The following DSC2 variants were observed in gnomAD, a reference collection of about 807,000 sequenced individuals.
DSC2 encodes desmocollin 2.
A neutral mutation model predicts 87.6 loss-of-function variants in DSC2; 51 were observed. The observed-to-expected ratio is 0.58, with a 90% CI of 0.46 to 0.74. DSC2 has a LOEUF of 0.74. Among genes scored for constraint, DSC2 ranks in the 30% least tolerant of loss-of-function variants. DSC2 has a pLI of 0.00. For missense variants in DSC2, 1,066 were observed against 1,089.5 expected, an observed-to-expected ratio of 0.98 and a Z score of 0.30; for synonymous variants, 383 against 393.2, an observed-to-expected ratio of 0.97 and a Z score of 0.31.
chr18:31,087,647 T>C (rs1987444796), intron 6 of DSC2, 22 bp downstream of exon 6: 1 of 1,607,060 alleles, frequency 6.2e-7, no homozygotes, highest in Non-Finnish European at 8.5e-7. Context: ...ATTTGCCATA[T>C]ATTGTTTAAG....
intron 2 of DSC2, among the ~76,000 whole-genome samples, chr18:31,092,506 TAAAGA>T (rs969038922): frequency 1.3e-5 from 2 of 152,218 alleles, no homozygotes; most frequent in Non-Finnish European, 2.9e-5. Flanking sequence ...AACATTCTCT[TAAAGA>T]AGAGACATTT....
intron 9 of DSC2, 91 bp from the exon 10 acceptor site, chr18:31,080,443 G>A (rs1323097390): frequency 6.8e-7 from 1 of 1,461,314 alleles, no homozygotes; most frequent in Non-Finnish European, 9.3e-7. Context: ...TTGGAAATAT[G>A]TTAAGTGTCA....
chr18:31,071,603 AC>A lies in DSC2; in HGVS notation c.2125+1del, dbSNP rs794728072. ...GAATTCAAGAAAGGACTTAAGACTT[AC>A]AAAAGAGCAATGCTATGCCCAACAA... On this transcript the variant is annotated splice_donor_variant, in intron 13 of 15. Coordinates refer to ENST00000280904, the MANE Select transcript of DSC2 (RefSeq NM_024422.6). LOFTEE classifies it high-confidence loss of function. The A allele has an allele frequency of 1.9e-6, 3 of 1,612,988 alleles. No individual in the cohort carries two copies. The highest frequency in any genetic ancestry group is 2.5e-6 in the Non-Finnish European group (3 of 1,178,922).
At chr18:31,090,912 A>G (rs1344844813) in intron 4 of DSC2, 116 bp downstream of exon 4, 7 of 1,398,330 alleles carry the variant, frequency 5.0e-6, no homozygotes, top group African/African-American at 1.4e-5. Context: ...TATTATACAC[A>G]TACTCATTCA....
intron 2 of DSC2, 45 bp from the exon 3 acceptor site, chr18:31,092,345 G>A (rs1473732417): frequency 1.9e-6 from 3 of 1,544,502 alleles, no homozygotes; most frequent in South Asian, 1.1e-5. Context: ...TAAAACATAG[G>A]ATATAGTTTT....
In DSC2 at chr18:31,064,924, A is replaced by G. The variant is rs1410097237; in HGVS notation, c.*3091T>C. The G allele has an allele frequency of 6.6e-6, 1 of 152,204 alleles. No homozygotes were observed. The highest frequency in any genetic ancestry group is 1.5e-5 in the Non-Finnish European group (1 of 68,054). 9.4% of individuals were successfully genotyped at this position (152,204 alleles called of 1,614,324 possible). On this transcript the variant is annotated 3_prime_UTR_variant, in exon 16 of 16. Transcript: ENST00000280904. Reference sequence around the variant, plus strand: ...AACAGAATTGGGATCCAAGATAAAAACAGTCTTAAGATGGGAATAAAGAAA... The same window carrying G: ...AACAGAATTGGGATCCAAGATAAAAGCAGTCTTAAGATGGGAATAAAGAAA...
At chr18:31,071,493 C>G in intron 13 of DSC2, 112 bp downstream of exon 13, 1 of 910,544 alleles carries the variant, frequency 1.1e-6, no homozygotes, top group Non-Finnish European at 1.8e-6. Context: ...CTGCAGTGAG[C>G]GGAGATCACA....
chr18:31,086,872 T>C, intron 6 of DSC2, 130 bp from the exon 7 acceptor site: 1 of 1,004,656 alleles, frequency 1.0e-6, no homozygotes, highest in Non-Finnish European at 1.5e-6. Flanking sequence ...ATGGCTTTTA[T>C]AAATTTGCAG....
In DSC2 at chr18:31,102,247, C is replaced by T. The variant is rs1037640799; in HGVS notation, c.-276G>A. ...GTTGTCTATTTAAGACTTAAGACTT[C>T]ATTTCTCTAAGAAAGCCACGGGTGG... On this transcript the variant is annotated 5_prime_UTR_variant, in exon 1 of 16. The change abolishes an upstream ATG in the 5' untranslated region. Transcript: ENST00000280904. 1 of 371,374 alleles carries T rather than the reference C, an allele frequency of 2.7e-6. No homozygotes were observed. The highest frequency in any genetic ancestry group is 4.8e-6 in the Non-Finnish European group (1 of 209,970). The allele number at this position is 371,374 out of a possible 1,614,324, so 23.0% of individuals were successfully genotyped here. A position where few individuals can be genotyped will look rare whatever the true frequency, so the allele number is the denominator to read the frequency against.
Position 31,087,636 on chromosome 18 carries a change from A to C in DSC2, c.775+33T>G, listed in dbSNP as rs369315925. On this transcript the variant is annotated intron_variant, in intron 6 of 15. Transcript: ENST00000280904. ...TAAATGTATGAATTGAAACACAGTT[A>C]ATTTGCCATATATTGTTTAAGGAGG... The C allele has an allele frequency of 1.2e-5, 19 of 1,602,532 alleles. 1 individual carries two copies. The highest frequency in any genetic ancestry group is 2.2e-4 in the Middle Eastern group (1 of 4,532).
At chr18:31,086,045 G>A (rs1987384158) in intron 7 of DSC2, among the ~76,000 whole-genome samples, 1 of 152,002 alleles carries the variant, frequency 6.6e-6, no homozygotes, top group African/African-American at 2.4e-5. Flanking sequence ...GATTAATAGA[G>A]AAAGAATATA....
Position 31,102,005 on chromosome 18 carries a change from T to A in DSC2, c.-34A>T. On this transcript the variant is annotated 5_prime_UTR_variant, in exon 1 of 16. Coordinates refer to ENST00000280904, the MANE Select transcript of DSC2 (RefSeq NM_024422.6). ...CTCGGGGCAGGTCGCGGGCCGAGCG[T>A]CGGGCCGGGGTAGGAGGGCTCCGCG... The A allele has an allele frequency of 6.8e-7, 1 of 1,475,118 alleles. No homozygotes were observed. Among genetic ancestry groups the A allele is most frequent in the South Asian group, 1.3e-5 (1 of 76,850 alleles). 91.4% of individuals were successfully genotyped at this position (1,475,118 alleles called of 1,614,324 possible).
At chr18:31,101,656 T>C (rs972159317) in intron 1 of DSC2, 1 of 475,920 alleles carries the variant, frequency 2.1e-6, no homozygotes, top group Non-Finnish European at 3.7e-6. Context: ...CGCTCCCGCC[T>C]CTCCTTGAGT....
intron 9 of DSC2, among the ~76,000 whole-genome samples, chr18:31,081,617 C>A (rs1987222233): frequency 6.6e-6 from 1 of 152,100 alleles, no homozygotes; most frequent in South Asian, 2.1e-4. Flanking sequence ...ACGGCATAGA[C>A]CCACTGTAAA....
At position 31,080,193 on chromosome 18, in the gene DSC2, T is replaced by A. The variant is rs1987165925; in HGVS notation, c.1423A>T (p.Ile475Leu). 6.2e-7 allele frequency: 1 copy of A among 1,614,110 alleles called. No homozygotes were observed. The highest frequency in any genetic ancestry group is 8.5e-7 in the Non-Finnish European group (1 of 1,180,002). The part of the protein sequence containing the change: ...QDEGPECNPP[I>L]QTVRMKENAE... ...TTTTCTTTCATGCGAACAGTCTGTA[T>A]TGGAGGGTTACACTCAGGGCCCTCA... The change falls in exon 10 of 16, where the codon ATA (isoleucine) becomes TTA (leucine). Residue 475 changes from isoleucine (I) to leucine (L), a missense_variant. Ile to Leu is a conservative substitution (Grantham distance 5). Transcript: ENST00000280904.
rs543398646 is a variant in DSC2, at chr18:31,093,518, C to T, written c.154+41G>A. 4.0e-6 allele frequency: 6 copies of T among 1,509,030 alleles called. No individual in the cohort carries two copies. In the East Asian group the frequency reaches 9.3e-5, roughly 23 times the overall value. 93.5% of individuals were successfully genotyped at this position (1,509,030 alleles called of 1,614,324 possible). On this transcript the variant is annotated intron_variant, in intron 2 of 15. Transcript: ENST00000280904. ...AGTATTCCATGGCGTATATGTACCA[C>T]AGCAAAACAGGATTTATTACAAATT...
At chr18:31,101,585 G>A in intron 1 of DSC2, 1 of 331,120 alleles carries the variant, frequency 3.0e-6, no homozygotes, top group African/African-American at 2.2e-5. Flanking sequence ...CTCCCGCCCC[G>A]GCGCACCCTG....
At position 31,093,551 on chromosome 18, in the gene DSC2, T is replaced by C. The variant is rs1159638320; in HGVS notation, c.154+8A>G. The C allele has an allele frequency of 1.3e-6, 2 of 1,599,788 alleles. No homozygotes were observed. The highest frequency in any genetic ancestry group is 1.1e-5 in the South Asian group (1 of 90,644). On this transcript the variant is annotated splice_region_variant and intron_variant, in intron 2 of 15. Coordinates refer to ENST00000280904, the MANE Select transcript of DSC2 (RefSeq NM_024422.6). ...CAGGATTTATTACAAATTTTAGGGC[T>C]TCCTTACCTCTACCAACAAGTTTCT...
At position 31,083,018 on chromosome 18, in the gene DSC2, C is replaced by T. The variant is rs1987280682; in HGVS notation, c.985G>A (p.Asp329Asn). 6.2e-6 allele frequency: 10 copies of T among 1,613,156 alleles called. No homozygotes were observed. The East Asian group carries it at 2.2e-4, about 36-fold the overall frequency. The change falls in exon 8 of 16, where the codon GAT becomes AAT. Residue 329 changes from aspartate to asparagine, a missense_variant. By Grantham distance (23) the Asp-to-Asn change is conservative. Coordinates refer to ENST00000280904, the MANE Select transcript of DSC2 (RefSeq NM_024422.6). ...GTCTGTAGACCAAAATACTGACCAT[C>T]CATGTCTTGTACTTTTATTTTCAAC... ...YQLKIKVQDM[D>N]GQYFGLQTTS...
Sources: gnomAD v4.1 joint callset for allele counts (sites outside exome capture counted in the v4.1 genomes callset) on GRCh38, gnomAD v4.1.1 for gene constraint, MANE v1.5 for transcripts, NCBI Gene and HGNC (gene_info 2026-07-23, HGNC 2026-07-21) for gene names.